The following RSRC1 variants were observed in gnomAD, a reference collection of about 807,000 sequenced individuals.
RSRC1 encodes the protein serine/Arginine-related protein 53.
RSRC1 carries 39 observed loss-of-function variants against 49.1 expected under a neutral mutation model. That is an observed-to-expected ratio of 0.79 (90% CI 0.61 to 1.04). The LOEUF is 1.04. RSRC1 is among the 50% of genes least tolerant of loss of function. The pLI is 0.00. For missense variants in RSRC1, 388 were observed against 402.4 expected (o/e 0.96, Z 0.31); for synonymous variants, 143 against 130.8 (o/e 1.09, Z -0.63).
intron 3 of RSRC1, among the ~76,000 whole-genome samples, chr3:158,166,478 A>G (rs1033936922): frequency 6.6e-6 from 1 of 152,196 alleles, no homozygotes; most frequent in Non-Finnish European, 1.5e-5. Flanking sequence ...TAATAAAATA[A>G]CGGTCAATTA....
At chr3:158,362,204 G>A (rs1207279023) in intron 6 of RSRC1, among the ~76,000 whole-genome samples, 5 of 152,148 alleles carry the variant, frequency 3.3e-5, no homozygotes, top group African/African-American at 7.2e-5. Flanking sequence ...GCCAGGCATG[G>A]TGGCACATGC....
chr3:158,277,119 A>G (rs886855414), intron 4 of RSRC1, among the ~76,000 whole-genome samples: 2 of 152,214 alleles, frequency 1.3e-5, no homozygotes, highest in Admixed American at 1.3e-4. Flanking sequence ...GTTTTTGGAC[A>G]AAATTCAAAG....
chr3:158,395,530 A>G (rs995528610), intron 6 of RSRC1, among the ~76,000 whole-genome samples: 1 of 152,148 alleles, frequency 6.6e-6, no homozygotes, highest in African/African-American at 2.4e-5. Context: ...ATGAACAGGC[A>G]CTTTTTAAAA....
chr3:158,470,321 AACACACACAC>A (rs375305594), intron 7 of RSRC1, among the ~76,000 whole-genome samples: 4,338 of 136,828 alleles, frequency 0.032, 223 homozygotes, highest in African/African-American at 0.11. Flanking sequence ...TGCTCTTAGA[AACACACACAC>A]ACACACACAC....
intron 6 of RSRC1, among the ~76,000 whole-genome samples, chr3:158,447,795 A>C (rs1736801538): frequency 6.6e-6 from 1 of 151,956 alleles, no homozygotes; most frequent in South Asian, 2.1e-4. Context: ...TTTTTAATGC[A>C]ATAATAATGT....
chr3:158,393,614 G>T (rs1326420803), intron 6 of RSRC1, among the ~76,000 whole-genome samples: 1 of 151,738 alleles, frequency 6.6e-6, no homozygotes, highest in Non-Finnish European at 1.5e-5. Flanking sequence ...ATTGAATCAG[G>T]AAGAAATAGA....
intron 6 of RSRC1, among the ~76,000 whole-genome samples, chr3:158,409,137 G>T (rs1362986609): frequency 1.3e-5 from 2 of 152,094 alleles, no homozygotes; most frequent in African/African-American, 4.8e-5. Flanking sequence ...CTATTGGAAG[G>T]TGGAGGGTGA....
chr3:158,442,295 G>A lies in RSRC1; in HGVS notation c.584-18640G>A, dbSNP rs199817702. On this transcript the variant is annotated intron_variant, in intron 6 of 9. Coordinates refer to ENST00000611884, the MANE Select transcript of RSRC1 (RefSeq NM_001271838.2). Reference sequence around the variant, plus strand: ...TGCTATTAGATAGCATTTTACCCACGGTAGAATTTCTTTCAACATTGGAGT... The same window carrying A: ...TGCTATTAGATAGCATTTTACCCACAGTAGAATTTCTTTCAACATTGGAGT... Among the ~76,000 whole-genome samples, 10 of 152,098 alleles carry A rather than the reference G, an allele frequency of 6.6e-5. No homozygotes were observed. The East Asian group carries it at 1.7e-3, about 27-fold the overall frequency.
At chr3:158,114,496 A>G (rs540953130) in intron 1 of RSRC1, among the ~76,000 whole-genome samples, 2 of 152,232 alleles carry the variant, frequency 1.3e-5, no homozygotes, top group East Asian at 3.9e-4. Context: ...TTTTGGTTCC[A>G]TATGAATTTT....
At chr3:158,318,706 A>G (rs944582121) in intron 5 of RSRC1, among the ~76,000 whole-genome samples, 22 of 152,312 alleles carry the variant, frequency 1.4e-4, no homozygotes, top group Non-Finnish European at 2.4e-4. Flanking sequence ...TTGTTAGGCC[A>G]CATAGACTGA....
chr3:158,264,158 A>C (rs1025753184), intron 4 of RSRC1, among the ~76,000 whole-genome samples: 3 of 151,998 alleles, frequency 2.0e-5, no homozygotes, highest in African/African-American at 7.3e-5. Context: ...AGCTTTTCTC[A>C]TGTAGGCGTT....
intron 6 of RSRC1, among the ~76,000 whole-genome samples, chr3:158,442,121 G>A (rs1327202614): frequency 6.6e-6 from 1 of 152,124 alleles, no homozygotes; most frequent in Non-Finnish European, 1.5e-5. Context: ...AGCCTTTAGT[G>A]AGGAGGGTCT....
intron 6 of RSRC1, among the ~76,000 whole-genome samples, chr3:158,426,882 C>T (rs1383017630): frequency 1.3e-5 from 2 of 151,746 alleles, no homozygotes; most frequent in Non-Finnish European, 2.9e-5. Context: ...TTGATGAACT[C>T]TTTGAAAATC....
At chr3:158,216,115 T>A (rs909339513) in intron 4 of RSRC1, among the ~76,000 whole-genome samples, 1 of 151,636 alleles carries the variant, frequency 6.6e-6, no homozygotes. Flanking sequence ...ACATATATTT[T>A]ATTAGGTTGG....
chr3:158,248,396 C>T (rs990331172), intron 4 of RSRC1, among the ~76,000 whole-genome samples: 3 of 152,024 alleles, frequency 2.0e-5, no homozygotes, highest in Admixed American at 6.5e-5. Flanking sequence ...AAGTAATATT[C>T]TATTCCATAA....
chr3:158,141,380 A>G (rs4679821), intron 3 of RSRC1, among the ~76,000 whole-genome samples: 90,137 of 152,026 alleles, frequency 0.59, 26,986 homozygotes, highest in East Asian at 0.71. Context: ...AATTTCATAT[A>G]TTTACATGCA....
chr3:158,145,788 T>A (rs2108203677), intron 3 of RSRC1, among the ~76,000 whole-genome samples: 1 of 152,366 alleles, frequency 6.6e-6, no homozygotes, highest in East Asian at 1.9e-4. Flanking sequence ...TCCATTTGTT[T>A]GTATCCTCTT....
Position 158,394,418 on chromosome 3 carries a change from C to A in RSRC1, c.583+39510C>A, listed in dbSNP as rs554665071. 2.0e-5 allele frequency among the ~76,000 whole-genome samples: 3 copies of A among 152,062 alleles called. No individual in the cohort carries two copies. The East Asian group carries it at 5.8e-4, about 29-fold the overall frequency. ...CTAGAAAATCCCATAGTCTTAGCTC[C>A]AAAACTCCTATATTTTGTATCCTGA... On this transcript the variant is annotated intron_variant, in intron 6 of 9. Coordinates refer to ENST00000611884, the MANE Select transcript of RSRC1 (RefSeq NM_001271838.2).
At chr3:158,393,079 A>G (rs970051807) in intron 6 of RSRC1, among the ~76,000 whole-genome samples, 1 of 152,080 alleles carries the variant, frequency 6.6e-6, no homozygotes, top group Non-Finnish European at 1.5e-5. Flanking sequence ...TGTATAAACA[A>G]TGAAATTAAG....
Sources: allele counts gnomAD v4.1 joint callset (sites outside exome capture counted in the v4.1 genomes callset), GRCh38; gene constraint gnomAD v4.1.1; transcripts MANE v1.5; gene names NCBI Gene and HGNC (gene_info 2026-07-23, HGNC 2026-07-21).